Variants in PHF11 observed in about 807,000 individuals in gnomAD.
The protein encoded by PHF11 is PHD finger protein 11, also known as BRCA1 C-terminus-associated protein.
In PHF11, 38 loss-of-function variants were observed where a neutral mutation model predicts 40.5. The observed-to-expected ratio is 0.94, with a 90% CI of 0.72 to 1.23. The LOEUF (loss-of-function observed/expected upper bound fraction) is 1.23, where lower values mean the gene tolerates loss of function less well. PHF11 is among the 50% of genes most tolerant of loss of function. The pLI, the probability that PHF11 is intolerant of heterozygous loss-of-function variation, is 0.00. For missense variants in PHF11, 369 were observed against 392.4 expected (o/e 0.94, Z 0.50); for synonymous variants, 127 against 138.2 (o/e 0.92, Z 0.57).
chr13:49,514,700 G>C (rs950648171), intron 3 of PHF11, among the ~76,000 whole-genome samples: 2 of 151,542 alleles, frequency 1.3e-5, no homozygotes, highest in African/African-American at 4.9e-5. Context: ...CGAGGCTGCA[G>C]TGAGCTGTGA....
intron 3 of PHF11, among the ~76,000 whole-genome samples, chr13:49,513,851 C>A (rs1959112926): frequency 6.6e-6 from 1 of 152,166 alleles, no homozygotes; most frequent in Non-Finnish European, 1.5e-5. Flanking sequence ...TCTCTGGCCT[C>A]CTGTCCCCAA....
At chr13:49,519,906 G>A (rs1188475086) in intron 4 of PHF11, among the ~76,000 whole-genome samples, 4 of 152,146 alleles carry the variant, frequency 2.6e-5, no homozygotes, top group African/African-American at 7.2e-5. Flanking sequence ...GGGAAGAAAC[G>A]GTATTCCCCT....
chr13:49,527,460 C>G (rs553784754), intron 9 of PHF11: 1 of 152,304 alleles, frequency 6.6e-6, no homozygotes, highest in East Asian at 1.9e-4. Flanking sequence ...GTTCATATCC[C>G]TGTCTCAACA....
intron 4 of PHF11, chr13:49,518,409 T>C (rs1959171833): frequency 5.1e-6 from 1 of 196,924 alleles, no homozygotes. Flanking sequence ...AAATATGATT[T>C]TTGTGAGCTA....
intron 6 of PHF11, 117 bp downstream of exon 6, chr13:49,522,224 G>T: frequency 1.8e-6 from 1 of 562,662 alleles, no homozygotes; most frequent in Non-Finnish European, 3.2e-6. Flanking sequence ...AGCCTTTGAA[G>T]AACATTCTTC....
At chr13:49,526,238 G>GTGC (rs1368560442) in intron 8 of PHF11, 149 bp from the exon 9 acceptor site, 1 of 606,080 alleles carries the variant, frequency 1.6e-6, no homozygotes, top group Non-Finnish European at 3.0e-6. Context: ...CTTCCCTGTA[G>GTGC]TGCTGCTGCT....
chr13:49,523,259 T>C lies in PHF11; in HGVS notation c.637+18T>C, dbSNP rs577296558. On this transcript the variant is annotated intron_variant, in intron 7 of 9. Coordinates refer to ENST00000378319, the MANE Select transcript of PHF11 (RefSeq NM_001040443.3). ...ACACACAGGTTTGCGCTAAGTGTTG[T>C]CTGTAACAAATATGGCCTACAATAC... The C allele has an allele frequency of 1.9e-6, 3 of 1,566,362 alleles. No individual in the cohort carries two copies. The highest frequency in any genetic ancestry group is 4.5e-5 in the East Asian group (2 of 44,636).
rs1365998731 is a variant in PHF11, at chr13:49,528,770, T to C, written c.*105T>C. Reference sequence around the variant, plus strand: ...CATCTTTAGAACTAGTCGTCTCCTCTTGGCCTCAGCAGCTCTTCCCTGTTC... The same window carrying C: ...CATCTTTAGAACTAGTCGTCTCCTCCTGGCCTCAGCAGCTCTTCCCTGTTC... On this transcript the variant is annotated 3_prime_UTR_variant, in exon 10 of 10. Transcript: ENST00000378319. The C allele has an allele frequency of 4.0e-6, 3 of 759,292 alleles. No homozygotes were observed. Among genetic ancestry groups the C allele is most frequent in the Admixed American group, 5.5e-5 (2 of 36,680 alleles). The allele number at this position is 759,292 out of a possible 1,614,324, so 47.0% of individuals were successfully genotyped here.
intron 3 of PHF11, among the ~76,000 whole-genome samples, chr13:49,516,939 C>T (rs987212659): frequency 5.3e-5 from 8 of 152,098 alleles, no homozygotes; most frequent in African/African-American, 1.9e-4. Flanking sequence ...AGACAGCCTT[C>T]CTTGCCTCCA....
At chr13:49,521,504 A>C in intron 5 of PHF11, 2 of 985,834 alleles carry the variant, frequency 2.0e-6, no homozygotes, top group Non-Finnish European at 2.4e-6. Context: ...TTTTATGGTG[A>C]TAACATTCTC....
chr13:49,525,188 T>C (rs568437953), intron 8 of PHF11, among the ~76,000 whole-genome samples: 52 of 152,342 alleles, frequency 3.4e-4, no homozygotes, highest in African/African-American at 1.2e-3. Flanking sequence ...GTTTCTTTCT[T>C]AAGGGCTCTT....
intron 1 of PHF11, among the ~76,000 whole-genome samples, chr13:49,497,923 T>G (rs1252744643): frequency 6.6e-6 from 1 of 152,166 alleles, no homozygotes; most frequent in Non-Finnish European, 1.5e-5. Context: ...CATATTCAGG[T>G]GTCTGCTCAT....
Position 49,514,007 on chromosome 13 carries a change from T to G in PHF11, c.324+841T>G, listed in dbSNP as rs566003109. ...TGAAAGTTTCATTAGGTTGCACCCC[T>G]CTTTCTGCACCAACTGCTGGGGGTG... is the stretch of plus-strand genomic sequence containing the variant. On this transcript the variant is annotated intron_variant, in intron 3 of 9. Transcript: ENST00000378319. Among the ~76,000 whole-genome samples the G allele has an allele frequency of 6.6e-5, 10 of 152,282 alleles. No homozygotes were observed. The South Asian group carries it at 2.1e-3, about 32-fold the overall frequency.
intron 4 of PHF11, 71 bp from the exon 5 acceptor site, chr13:49,520,823 C>A: frequency 1.8e-6 from 2 of 1,119,946 alleles, no homozygotes; most frequent in Non-Finnish European, 1.3e-6. Flanking sequence ...TTTTTAATCA[C>A]AAAAATAGAC....
At chr13:49,496,413 C>T (rs1321824893) in intron 1 of PHF11, 13 of 1,097,702 alleles carry the variant, frequency 1.2e-5, no homozygotes, top group African/African-American at 1.2e-4. Flanking sequence ...TCCACCACAA[C>T]CGATGTCAAC....
At chr13:49,508,261 T>C (rs1225737464) in intron 2 of PHF11, among the ~76,000 whole-genome samples, 1 of 147,316 alleles carries the variant, frequency 6.8e-6, no homozygotes, top group African/African-American at 2.5e-5. Flanking sequence ...TATTAATGTG[T>C]TATGTATTAA....
At chr13:49,514,118 G>A (rs558646728) in intron 3 of PHF11, among the ~76,000 whole-genome samples, 1 of 152,182 alleles carries the variant, frequency 6.6e-6, no homozygotes, top group Non-Finnish European at 1.5e-5. Flanking sequence ...ATTCCACTGG[G>A]CTTATTGCAG....
At chr13:49,497,001 T>G in intron 1 of PHF11, 1 of 1,164,678 alleles carries the variant, frequency 8.6e-7, no homozygotes, top group Non-Finnish European at 1.1e-6. Flanking sequence ...GCCCAGCTAA[T>G]TTTGTATTTT....
chr13:49,509,242 T>C (rs1959051148), intron 2 of PHF11, among the ~76,000 whole-genome samples: 1 of 151,754 alleles, frequency 6.6e-6, no homozygotes, highest in South Asian at 2.1e-4. Context: ...GACAGAGTCT[T>C]GCTCTGTCGC....
Sources: allele counts gnomAD v4.1 joint callset (sites outside exome capture counted in the v4.1 genomes callset), GRCh38; gene constraint gnomAD v4.1.1; transcripts MANE v1.5; gene names NCBI Gene and HGNC (gene_info 2026-07-23, HGNC 2026-07-21).